Variants in ULK4 observed in about 807,000 individuals in gnomAD.
ULK4 encodes inactive serine/threonine-protein kinase ULK4.
ULK4 carries 133 observed loss-of-function variants against 160.6 expected under a neutral mutation model. The observed-to-expected ratio is 0.83, with a 90% CI of 0.72 to 0.96. The LOEUF is 0.96. ULK4 is among the 40% of genes least tolerant of loss of function. The pLI, the probability that ULK4 is intolerant of heterozygous loss-of-function variation, is 0.00. For synonymous variants in ULK4, 534 were observed against 539.8 expected, an observed-to-expected ratio of 0.99 and a Z score of 0.15; for missense variants, 1,580 against 1,499.5, an observed-to-expected ratio of 1.05 and a Z score of -0.89.
At chr3:41,418,929 G>A (rs567084723) in intron 34 of ULK4, among the ~76,000 whole-genome samples, 1 of 152,178 alleles carries the variant, frequency 6.6e-6, no homozygotes, top group East Asian at 1.9e-4. Context: ...GTTAGAAAAG[G>A]GTTCTTTGAG....
At chr3:41,397,723 T>C (rs997027330) in intron 35 of ULK4, among the ~76,000 whole-genome samples, 2 of 152,110 alleles carry the variant, frequency 1.3e-5, no homozygotes, top group African/African-American at 2.4e-5. Context: ...AACTAGAATA[T>C]GGACAGAAGA....
rs554025425 is a variant in ULK4, at chr3:41,364,512, AT to A, written c.3678+33566del. Among the ~76,000 whole-genome samples, 78 of 151,868 alleles carry A rather than the reference AT, an allele frequency of 5.1e-4. 1 individual carries two copies. The Middle Eastern group carries it at 0.014, about 27-fold the overall frequency. On this transcript the variant is annotated intron_variant, in intron 35 of 36. Transcript: ENST00000301831. ...TGTTTCACAGGTTTATTAAATCAATATTTTTTTTTCCTGGTATTTCTCTTCT... is the reference window on the plus strand; with the variant it reads ...TGTTTCACAGGTTTATTAAATCAATATTTTTTTTCCTGGTATTTCTCTTCT...
chr3:41,377,887 G>C (rs1162894803), intron 35 of ULK4, among the ~76,000 whole-genome samples: 2 of 150,042 alleles, frequency 1.3e-5, no homozygotes, highest in African/African-American at 5.0e-5. Flanking sequence ...TATACCCAAA[G>C]GACTATAAAT....
intron 31 of ULK4, among the ~76,000 whole-genome samples, chr3:41,595,143 T>G (rs895632248): frequency 6.6e-6 from 1 of 152,164 alleles, no homozygotes; most frequent in Non-Finnish European, 1.5e-5. Context: ...GATGACACAC[T>G]CAAAAGGGTT....
At chr3:41,639,159 T>G (rs1032029677) in intron 30 of ULK4, among the ~76,000 whole-genome samples, 1 of 152,224 alleles carries the variant, frequency 6.6e-6, no homozygotes, top group East Asian at 1.9e-4. Flanking sequence ...ATGGTTTTAC[T>G]GGCTGCAAAA....
rs201639701 is a variant in ULK4 at position 41,705,058 on chromosome 3, G to A, written c.2780C>T (p.Thr927Met). 3.9e-4 allele frequency: 632 copies of A among 1,608,230 alleles called. 2 individuals carry two copies. In the Middle Eastern group the frequency reaches 4.9e-3, roughly 12 times the overall value. Residue 927 changes from threonine (T) to methionine (M), a missense_variant and splice_region_variant, in exon 27 of 37, where the codon ACG becomes ATG. By Grantham distance (81) the Thr-to-Met change is moderately conservative (BLOSUM62 -1). Transcript: ENST00000301831. ...TTTTCAAAAGCTGCCAGAACTGACC[G>A]TGGAGCGATAGTCTTTCAATAAAAT... ...YPILLKDYRS[T>M]VVDYILPPLV...
At chr3:41,837,429 T>C (rs2041791267) in intron 17 of ULK4, among the ~76,000 whole-genome samples, 1 of 152,214 alleles carries the variant, frequency 6.6e-6, no homozygotes, top group African/African-American at 2.4e-5. Flanking sequence ...ATTTACTTTC[T>C]GTCATTAGCA....
chr3:41,473,326 T>C (rs942349239), intron 32 of ULK4, among the ~76,000 whole-genome samples: 1 of 152,102 alleles, frequency 6.6e-6, no homozygotes, highest in African/African-American at 2.4e-5. Flanking sequence ...TGATCTTGTA[T>C]GTGGAAAACG....
At chr3:41,580,019 G>T (rs1238824366) in intron 31 of ULK4, among the ~76,000 whole-genome samples, 1 of 152,116 alleles carries the variant, frequency 6.6e-6, no homozygotes, top group East Asian at 1.9e-4. Context: ...CTGCTTTCTT[G>T]CTGCCATACT....
At chr3:41,881,662 A>G (rs937440835) in intron 17 of ULK4, among the ~76,000 whole-genome samples, 1 of 152,216 alleles carries the variant, frequency 6.6e-6, no homozygotes, top group Non-Finnish European at 1.5e-5. Context: ...AATTCAAAAT[A>G]GTTCACCAGA....
intron 5 of ULK4, among the ~76,000 whole-genome samples, chr3:41,926,104 G>A (rs573112528): frequency 4.6e-5 from 7 of 152,194 alleles, no homozygotes; most frequent in East Asian, 1.9e-4. Flanking sequence ...GGAAAGCTCC[G>A]GCTGCTATCT....
At chr3:41,836,117 T>A (rs1374841702) in intron 17 of ULK4, 146 bp from the exon 18 acceptor site, 1 of 591,974 alleles carries the variant, frequency 1.7e-6, no homozygotes, top group Non-Finnish European at 3.0e-6. Flanking sequence ...GGCCTTATAT[T>A]CCTGAAAATA....
At chr3:41,851,226 C>T (rs1183954796) in intron 17 of ULK4, among the ~76,000 whole-genome samples, 1 of 152,072 alleles carries the variant, frequency 6.6e-6, no homozygotes, top group Non-Finnish European at 1.5e-5. Flanking sequence ...TCATAGATGG[C>T]TCTTATTATT....
chr3:41,578,894 G>C (rs2029950580), intron 31 of ULK4, among the ~76,000 whole-genome samples: 1 of 152,204 alleles, frequency 6.6e-6, no homozygotes, highest in East Asian at 1.9e-4. Flanking sequence ...GAACTCTTCA[G>C]AGCTTAATTT....
chr3:41,455,115 G>A (rs1310615837), intron 34 of ULK4, among the ~76,000 whole-genome samples: 2 of 152,138 alleles, frequency 1.3e-5, no homozygotes, highest in Non-Finnish European at 2.9e-5. Context: ...CCCTAGGTCT[G>A]TGTCTGTGCT....
intron 30 of ULK4, among the ~76,000 whole-genome samples, chr3:41,620,836 G>A (rs1443078878): frequency 6.6e-6 from 1 of 152,108 alleles, no homozygotes; most frequent in African/African-American, 2.4e-5. Context: ...GTCTCTGTTT[G>A]CAGATGACAT....
chr3:41,570,415 T>G (rs2087930430), intron 31 of ULK4, among the ~76,000 whole-genome samples: 1 of 152,162 alleles, frequency 6.6e-6, no homozygotes, highest in Non-Finnish European at 1.5e-5. Flanking sequence ...GAAAGGGTGA[T>G]TAATAAGCAC....
At chr3:41,673,583 C>T (rs995112476) in intron 29 of ULK4, among the ~76,000 whole-genome samples, 5 of 151,992 alleles carry the variant, frequency 3.3e-5, no homozygotes, top group African/African-American at 9.7e-5. Flanking sequence ...TCATTTTCCC[C>T]GGGAGAGAAA....
chr3:41,659,731 T>C (rs896607689), intron 30 of ULK4, among the ~76,000 whole-genome samples: 1 of 152,100 alleles, frequency 6.6e-6, no homozygotes, highest in African/African-American at 2.4e-5. Flanking sequence ...TTATAGGAAT[T>C]ATCCTATAAG....
Sources: gnomAD v4.1 joint callset for allele counts (sites outside exome capture counted in the v4.1 genomes callset) on GRCh38, gnomAD v4.1.1 for gene constraint, MANE v1.5 for transcripts, NCBI Gene and HGNC (gene_info 2026-07-23, HGNC 2026-07-21) for gene names.